HSCB: variants seen among roughly 807,000 people sequenced by gnomAD.
HSCB encodes the protein iron-sulfur cluster co-chaperone protein HscB.
Under a neutral mutation model 31.3 loss-of-function variants are expected in HSCB, and 23 were observed. The ratio of observed to expected loss-of-function variants is 0.74; its 90% CI spans 0.53 to 1.04. The LOEUF (loss-of-function observed/expected upper bound fraction) is 1.04. Among genes scored for constraint, HSCB ranks in the 50% least tolerant of loss-of-function variants. HSCB has a pLI of 0.00. For synonymous variants in HSCB, 110 were observed against 104.5 expected (o/e 1.05, Z -0.32); for missense variants, 297 against 288.1 (o/e 1.03, Z -0.22).
intron 1 of HSCB, 176 bp downstream of exon 1, chr22:28,742,507 C>T (rs1191239525): frequency 8.5e-7 from 1 of 1,175,508 alleles, no homozygotes; most frequent in African/African-American, 1.6e-5. Flanking sequence ...AATTGAGAGG[C>T]GGGGACTGAG....
chr22:28,756,593 C>G (rs2030613049), intron 5 of HSCB, among the ~76,000 whole-genome samples: 1 of 151,924 alleles, frequency 6.6e-6, no homozygotes, highest in Non-Finnish European at 1.5e-5. Context: ...CTCAGCCTCC[C>G]GAGTGGCCAG....
At chr22:28,742,590 A>T in intron 1 of HSCB, 1 of 309,054 alleles carries the variant, frequency 3.2e-6, no homozygotes, top group Non-Finnish European at 5.7e-6. Context: ...TAGAGGAAAT[A>T]GGGGGGCCGA....
chr22:28,744,529 G>A, intron 2 of HSCB, 86 bp from the exon 3 acceptor site: 1 of 943,170 alleles, frequency 1.1e-6, no homozygotes, highest in Non-Finnish European at 1.7e-6. Context: ...ACTCCAGCCT[G>A]GATGACTCAA....
At chr22:28,756,842 T>G (rs2030630093) in intron 5 of HSCB, among the ~76,000 whole-genome samples, 1 of 151,998 alleles carries the variant, frequency 6.6e-6, no homozygotes, top group African/African-American at 2.4e-5. Flanking sequence ...AATCAACTTC[T>G]CTAATTTATG....
chr22:28,756,100 G>A (rs559598341), intron 5 of HSCB, among the ~76,000 whole-genome samples: 78 of 152,048 alleles, frequency 5.1e-4, no homozygotes, highest in Admixed American at 2.4e-3. Flanking sequence ...TGCAAAAATT[G>A]GCCAGGCATG....
At chr22:28,744,813 T>A in intron 3 of HSCB, 109 bp downstream of exon 3, 1 of 856,528 alleles carries the variant, frequency 1.2e-6, no homozygotes, top group South Asian at 1.4e-5. Context: ...TCAGGCATGG[T>A]GGCTCACACC....
At chr22:28,752,819 G>A (rs946206089) in intron 5 of HSCB, among the ~76,000 whole-genome samples, 9 of 151,316 alleles carry the variant, frequency 5.9e-5, no homozygotes, top group South Asian at 2.1e-4. Context: ...GGTGGCTCAC[G>A]CCTGTAATCC....
chr22:28,747,788 C>A (rs989987079), intron 4 of HSCB, among the ~76,000 whole-genome samples: 1 of 152,142 alleles, frequency 6.6e-6, no homozygotes, highest in African/African-American at 2.4e-5. Flanking sequence ...GGATACAGCA[C>A]GGAACAAGAA....
At chr22:28,752,018 G>A (rs1344434378) in intron 5 of HSCB, among the ~76,000 whole-genome samples, 2 of 151,946 alleles carry the variant, frequency 1.3e-5, no homozygotes, top group African/African-American at 4.8e-5. Context: ...TTGAACCAGG[G>A]AGGCTGAGGT....
At chr22:28,747,748 A>G (rs547343376) in intron 4 of HSCB, among the ~76,000 whole-genome samples, 107 of 152,316 alleles carry the variant, frequency 7.0e-4, no homozygotes, top group Non-Finnish European at 1.2e-4. Flanking sequence ...TAGTGTACCT[A>G]CAAATATCAA....
chr22:28,745,655 C>G (rs2054673414), intron 3 of HSCB: 1 of 424,726 alleles, frequency 2.4e-6, no homozygotes, highest in Admixed American at 4.3e-5. Context: ...AAGATCACAC[C>G]AAGGTCACAT....
At chr22:28,750,272 A>AAC (rs2030138514) in intron 4 of HSCB, among the ~76,000 whole-genome samples, 1 of 135,516 alleles carries the variant, frequency 7.4e-6, no homozygotes, top group Non-Finnish European at 1.6e-5. Context: ...AAAAAAAAAA[A>AAC]AAAACACTTA....
rs755570678 is a variant in HSCB at position 28,745,946 on chromosome 22, A to G, written c.506A>G (p.Asn169Ser). 34 of 1,613,854 alleles carry G rather than the reference A, an allele frequency of 2.1e-5. No individual in the cohort carries two copies. Among genetic ancestry groups the G allele is most frequent in the Admixed American group, 3.3e-5 (2 of 59,982 alleles). ...RQFLIEIMEI[N>S]EKLAEAESEA... ...TTCCTCATAGAAATAATGGAAATCA[A>G]TGAAAAACTCGCAGAAGCTGAAAGT... Residue 169 changes from asparagine (N) to serine (S), a missense_variant, in exon 4 of 6, where the codon AAT becomes AGT. By Grantham distance (46) the Asn-to-Ser change is conservative. Coordinates refer to ENST00000216027, the MANE Select transcript of HSCB (RefSeq NM_172002.5).
intron 5 of HSCB, among the ~76,000 whole-genome samples, chr22:28,755,163 C>T (rs1324643183): frequency 6.7e-6 from 1 of 150,296 alleles, no homozygotes. Context: ...GTAATCCCAG[C>T]ACTTTGGGAG....
intron 5 of HSCB, among the ~76,000 whole-genome samples, chr22:28,752,531 G>A (rs1250059595): frequency 6.6e-6 from 1 of 151,556 alleles, no homozygotes; most frequent in African/African-American, 2.4e-5. Context: ...TCAGGAGATT[G>A]AGAATATCCT....
chr22:28,745,025 G>A (rs1160652458), intron 3 of HSCB, among the ~76,000 whole-genome samples: 4 of 150,160 alleles, frequency 2.7e-5, no homozygotes, highest in Non-Finnish European at 5.9e-5. Context: ...CAAGGCTGCA[G>A]TGAGCTGTGA....
At chr22:28,744,295 T>A (rs1441188140) in intron 2 of HSCB, among the ~76,000 whole-genome samples, 2 of 152,244 alleles carry the variant, frequency 1.3e-5, no homozygotes, top group African/African-American at 4.8e-5. Context: ...CTCACGCCTG[T>A]AATCCCAACA....
chr22:28,755,073 C>A (rs1285570587), intron 5 of HSCB, among the ~76,000 whole-genome samples: 8 of 145,944 alleles, frequency 5.5e-5, no homozygotes, highest in Admixed American at 1.4e-4. Context: ...GGATTACAGG[C>A]GTGAGCCACC....
chr22:28,745,329 C>G (rs2054666587), intron 3 of HSCB: 4 of 122,908 alleles, frequency 3.3e-5, no homozygotes, highest in African/African-American at 1.2e-4. Context: ...GCGGGTGGAT[C>G]ACGAGGTCAG....
Sources: gnomAD v4.1 joint callset for allele counts (sites outside exome capture counted in the v4.1 genomes callset) on GRCh38, gnomAD v4.1.1 for gene constraint, MANE v1.5 for transcripts, NCBI Gene and HGNC (gene_info 2026-07-23, HGNC 2026-07-21) for gene names.